Variants in NPHP4 observed in about 807,000 individuals in gnomAD.
NPHP4 encodes nephrocystin-4.
Under a neutral mutation model 155.8 loss-of-function variants are expected in NPHP4, and 151 were observed. That is an observed-to-expected ratio of 0.97 (90% CI 0.85 to 1.11). The LOEUF (loss-of-function observed/expected upper bound fraction) is 1.11, where lower values mean the gene tolerates loss of function less well. Among genes scored for constraint, NPHP4 ranks in the 50% least tolerant of loss-of-function variants. The pLI, the probability that NPHP4 is intolerant of heterozygous loss-of-function variation, is 0.00. For missense variants in NPHP4, 1,956 were observed against 1,925.7 expected, an observed-to-expected ratio of 1.02 and a Z score of -0.29; for synonymous variants, 845 against 816.8, an observed-to-expected ratio of 1.03 and a Z score of -0.59.
At chr1:5,918,491 G>A (rs1645580838) in intron 11 of NPHP4, among the ~76,000 whole-genome samples, 1 of 151,662 alleles carries the variant, frequency 6.6e-6, no homozygotes, top group Admixed American at 6.6e-5. Flanking sequence ...CAAAGAGGAT[G>A]AATAAAGATA....
rs533415781 is a variant in NPHP4 at position 5,990,911 on chromosome 1, T to C, written c.-39+1333A>G. Among the ~76,000 whole-genome samples the C allele has an allele frequency of 9.5e-4, 144 of 152,324 alleles. 1 individual carries two copies. The highest frequency in any genetic ancestry group is 3.1e-3 in the African/African-American group (128 of 41,572). On this transcript the variant is annotated intron_variant, in intron 1 of 29. Transcript: ENST00000378156. ...CTTCTGCTGATCTATTCAGCAACTATTTCCCGAGCACTTGTGTTCCAGTGC... is the reference window on the plus strand; with the variant it reads ...CTTCTGCTGATCTATTCAGCAACTACTTCCCGAGCACTTGTGTTCCAGTGC...
chr1:5,879,300 T>C (rs1642962548), intron 19 of NPHP4: 1 of 307,492 alleles, frequency 3.3e-6, no homozygotes, highest in Non-Finnish European at 6.4e-6. Context: ...TTCCCACTTG[T>C]AATTCAAATG....
At chr1:5,921,874 C>T (rs1645755898) in intron 11 of NPHP4, among the ~76,000 whole-genome samples, 1 of 152,224 alleles carries the variant, frequency 6.6e-6, no homozygotes, top group Non-Finnish European at 1.5e-5. Context: ...CAAGGGATCA[C>T]GCCACACCAT....
intron 11 of NPHP4, among the ~76,000 whole-genome samples, chr1:5,917,690 C>T (rs115189460): frequency 1.3e-5 from 2 of 152,064 alleles, no homozygotes; most frequent in African/African-American, 4.8e-5. Context: ...TGAAACAGTC[C>T]CCACCGTGAG....
At chr1:5,964,917 T>TTATATATATATATATATATATA (rs4068402) in intron 5 of NPHP4, among the ~76,000 whole-genome samples, 6 of 82,630 alleles carry the variant, frequency 7.3e-5, no homozygotes, top group Admixed American at 1.6e-4. Context: ...TACATATATA[T>TTATATATATATATATATATATA]TATATATATA....
At chr1:5,942,530 CAAAAAAA>C (rs71568632) in intron 9 of NPHP4, among the ~76,000 whole-genome samples, 2 of 19,744 alleles carry the variant, frequency 1.0e-4, no homozygotes, top group South Asian at 2.4e-3. Context: ...GACTCCATCT[CAAAAAAA>C]AAAAAAAAAA....
At chr1:5,863,557 C>T (rs986006343) in intron 29 of NPHP4, 152 bp from the exon 30 acceptor site, 4 of 841,896 alleles carry the variant, frequency 4.8e-6, no homozygotes, top group Non-Finnish European at 7.7e-6. Context: ...TTGACTTCAG[C>T]GCCCGGTACA....
rs144803499 is a variant in NPHP4, at chr1:5,945,909, C to G, written c.1119+1195G>C. 5.6e-3 allele frequency among the ~76,000 whole-genome samples: 852 copies of G among 152,136 alleles called. 9 individuals carry two copies. The highest frequency in any genetic ancestry group is 0.018 in the African/African-American group (754 of 41,440). On this transcript the variant is annotated intron_variant, in intron 9 of 29. Transcript: ENST00000378156. ...GTGATTAGATCTGGCATTGTCCCCCCCCAGGGCGTGAATCATCCCTCCGTC... is the reference window on the plus strand; with the variant it reads ...GTGATTAGATCTGGCATTGTCCCCCGCCAGGGCGTGAATCATCCCTCCGTC...
intron 18 of NPHP4, chr1:5,881,736 T>C (rs1438282857): frequency 6.6e-6 from 1 of 152,222 alleles, no homozygotes; most frequent in Non-Finnish European, 1.5e-5. Flanking sequence ...ACTCACATTC[T>C]CCTAATTCTT....
In NPHP4 at chr1:5,865,130, GCT is replaced by G; in HGVS notation, c.3786_3787del (p.Arg1262SerfsTer35). ...CAGCTCCTGGGGATGAGAGGTGAAAGCTCTCACTTTCCTCACTGTCTGTGTCC... is the reference window on the plus strand; with the variant it reads ...CAGCTCCTGGGGATGAGAGGTGAAAGCTCACTTTCCTCACTGTCTGTGTCC... On this transcript the variant is annotated frameshift_variant, in exon 27 of 30. Transcript: ENST00000378156. LOFTEE classifies it high-confidence loss of function. The G allele has an allele frequency of 6.2e-7, 1 of 1,613,712 alleles. No homozygotes were observed. Among genetic ancestry groups the G allele is most frequent in the Non-Finnish European group, 8.5e-7 (1 of 1,179,822 alleles).
chr1:5,967,383 G>C lies in NPHP4; in HGVS notation c.453-20C>G. The C allele has an allele frequency of 6.3e-7, 1 of 1,594,814 alleles. No homozygotes were observed. Among genetic ancestry groups the C allele is most frequent in the Middle Eastern group, 1.7e-4 (1 of 6,040 alleles). ...CGCAACCTGGAAGACAGGACCCAGA[G>C]AACAGTCGTCAGCCACGTGCGCACT... On this transcript the variant is annotated intron_variant, in intron 4 of 29. Coordinates refer to ENST00000378156, the MANE Select transcript of NPHP4 (RefSeq NM_015102.5).
At chr1:5,956,464 A>G (rs1202009580) in intron 6 of NPHP4, among the ~76,000 whole-genome samples, 1 of 152,234 alleles carries the variant, frequency 6.6e-6, no homozygotes, top group Non-Finnish European at 1.5e-5. Flanking sequence ...CAGTGAGTAG[A>G]AACTTCCAGA....
rs370230211 is a variant in NPHP4, at chr1:5,877,317, G to A, written c.2612-19C>T. 21 of 1,567,628 alleles carry A rather than the reference G, an allele frequency of 1.3e-5. No individual in the cohort carries two copies. The highest frequency in any genetic ancestry group is 8.7e-5 in the Admixed American group (5 of 57,464). ...TGTTTTCCTGCGAAAGGGTCAGAGC[G>A]CGAGTCAGGTAGACGTGCAGTGTCT... On this transcript the variant is annotated intron_variant, in intron 19 of 29. Coordinates refer to ENST00000378156, the MANE Select transcript of NPHP4 (RefSeq NM_015102.5).
chr1:5,869,053 ACG>A (rs771854072), intron 23 of NPHP4, among the ~76,000 whole-genome samples: 2 of 136,910 alleles, frequency 1.5e-5, no homozygotes, highest in Non-Finnish European at 1.6e-5. Context: ...ATGCCCCCAC[ACG>A]CACACACATG....
Position 5,892,139 on chromosome 1 carries a change from C to T in NPHP4, c.2144-1111G>A, listed in dbSNP as rs1207440981. 6.6e-6 allele frequency among the ~76,000 whole-genome samples: 1 copy of T among 152,134 alleles called. No homozygotes were observed. Among genetic ancestry groups the T allele is most frequent in the African/African-American group, 2.4e-5 (1 of 41,432 alleles). ...GGCAGGCATGTCCCCAGTGTGGCAC[C>T]TCAGAGGTGACCAGCCACACAGCCC... is the stretch of plus-strand genomic sequence containing the variant. On this transcript the variant is annotated intron_variant, in intron 16 of 29. Coordinates refer to ENST00000378156, the MANE Select transcript of NPHP4 (RefSeq NM_015102.5). The surrounding 1 kb of genome is among the most constrained non-coding windows in gnomAD (Gnocchi z 4.5).
At chr1:5,868,094 A>G in intron 23 of NPHP4, 198 bp from the exon 24 acceptor site, 1 of 719,190 alleles carries the variant, frequency 1.4e-6, no homozygotes, top group East Asian at 2.7e-5. Context: ...GGGGACCGCT[A>G]AGCAAGGTCT....
chr1:5,943,758 C>T (rs1646944069), intron 9 of NPHP4, among the ~76,000 whole-genome samples: 1 of 152,152 alleles, frequency 6.6e-6, no homozygotes, highest in Non-Finnish European at 1.5e-5. Flanking sequence ...CCCAGGCTGA[C>T]TGGATGTTTG....
intron 11 of NPHP4, among the ~76,000 whole-genome samples, chr1:5,917,157 AC>A (rs1557731351): frequency 1.3e-4 from 19 of 151,964 alleles, no homozygotes; most frequent in African/African-American, 4.4e-4. Context: ...CCAGCCCTTA[AC>A]CATACAGTCA....
chr1:5,905,842 AC>A lies in NPHP4; in HGVS notation c.1612-60del, dbSNP rs1322026110. 1 of 1,515,608 alleles carries A rather than the reference AC, an allele frequency of 6.6e-7. No homozygotes were observed. Among genetic ancestry groups the A allele is most frequent in the Non-Finnish European group, 9.0e-7 (1 of 1,115,840 alleles). 93.9% of individuals were successfully genotyped at this position (1,515,608 alleles called of 1,614,324 possible). A position where few individuals can be genotyped will look rare whatever the true frequency, so the allele number is the denominator to read the frequency against. On this transcript the variant is annotated intron_variant, in intron 13 of 29. Coordinates refer to ENST00000378156, the MANE Select transcript of NPHP4 (RefSeq NM_015102.5). This position sits in a 1 kb window ranked among gnomAD's most constrained non-coding sequence, Gnocchi z 4.0. Reference sequence around the variant, plus strand: ...CAAGGACCCCAACCCGTAACAACCAACGGTGCTCAGATCTAAGGGGATTCAT... The same window carrying A: ...CAAGGACCCCAACCCGTAACAACCAAGGTGCTCAGATCTAAGGGGATTCAT...
Sources: allele counts gnomAD v4.1 joint callset (sites outside exome capture counted in the v4.1 genomes callset), GRCh38; gene constraint gnomAD v4.1.1; non-coding constraint Gnocchi (gnomAD v3.1); transcripts MANE v1.5; gene names NCBI Gene and HGNC (gene_info 2026-07-23, HGNC 2026-07-21).